The following KCNH3 variants were observed in gnomAD, a reference collection of about 807,000 sequenced individuals.
KCNH3 encodes potassium voltage-gated channel subfamily H member 3.
A neutral mutation model predicts 95.6 loss-of-function variants in KCNH3; 36 were observed. The ratio of observed to expected loss-of-function variants is 0.38; its 90% confidence interval spans 0.29 to 0.50. KCNH3 has a LOEUF of 0.50. KCNH3 is among the 20% of genes least tolerant of loss of function. The probability of loss-of-function intolerance (pLI) is 0.95; values close to 1 mark genes in which losing one functional copy is unlikely to be tolerated. For missense variants in KCNH3, 1,030 were observed against 1,484.1 expected (o/e 0.69, Z 5.03); for synonymous variants, 620 against 646.3 (o/e 0.96, Z 0.62).
chr12:49,549,519 G>A lies in KCNH3; in HGVS notation c.1547G>A (p.Ser516Asn). Residue 516 changes from serine to asparagine, a missense_variant, in exon 9 of 15, where the codon AGC becomes AAC. Transcript: ENST00000257981. ...RMYARRFLYHSRTRDLRDYIR... is the reference protein window; with the variant it reads ...RMYARRFLYHNRTRDLRDYIR... ...TACGCCCGCCGCTTTCTGTACCACA[G>A]CCGCACGCGCGACCTGCGCGACTAC... 1 of 1,613,716 alleles carries A rather than the reference G, an allele frequency of 6.2e-7. No individual in the cohort carries two copies. The highest frequency in any genetic ancestry group is 8.5e-7 in the Non-Finnish European group (1 of 1,180,046).
chr12:49,556,348 G>T (rs1288647100), intron 12 of KCNH3, 22 bp from the exon 13 acceptor site: 3 of 1,569,530 alleles, frequency 1.9e-6, no homozygotes, highest in Non-Finnish European at 2.6e-6. Context: ...TTGATTTGTT[G>T]TCCTGGTACC....
Position 49,549,288 on chromosome 12 carries a change from G to T in KCNH3, c.1468+115G>T, listed in dbSNP as rs1198502439. 6 of 1,458,234 alleles carry T rather than the reference G, an allele frequency of 4.1e-6. No homozygotes were observed. The East Asian group carries it at 9.2e-5, about 22-fold the overall frequency. 90.3% of individuals were successfully genotyped at this position (1,458,234 alleles called of 1,614,324 possible). On this transcript the variant is annotated intron_variant, in intron 8 of 14. Transcript: ENST00000257981. ...GGGGGCTCTTCCGCTTTAGGTGGCC[G>T]CGGAACCCGAGGCCGGGGGTGGGGG...
intron 5 of KCNH3, 91 bp downstream of exon 5, chr12:49,543,609 T>A (rs74089562): frequency 0.072 from 107,234 of 1,485,496 alleles, 4,681 homozygotes; most frequent in African/African-American, 0.19. Flanking sequence ...GGTGCTACAG[T>A]GCCCCCCTCG....
At position 49,539,955 on chromosome 12, in the gene KCNH3, G is replaced by T. The variant is rs1937815304; in HGVS notation, c.76+463G>T. ...AGTAGGCGGCACTCGGGAGAGCACC[G>T]TGTGTCCAAGCCCCGTGTCTCATAG... On this transcript the variant is annotated intron_variant, in intron 1 of 14. Coordinates refer to ENST00000257981, the MANE Select transcript of KCNH3 (RefSeq NM_012284.3). The surrounding 1 kb of genome is among the most constrained non-coding windows in gnomAD (Gnocchi z 6.7). Among the ~76,000 whole-genome samples, 1 of 152,170 alleles carries T rather than the reference G, an allele frequency of 6.6e-6. No individual in the cohort carries two copies. The highest frequency in any genetic ancestry group is 6.5e-5 in the Admixed American group (1 of 15,282).
chr12:49,543,687 G>A (rs1360047316), intron 5 of KCNH3, 169 bp downstream of exon 5: 5 of 1,087,944 alleles, frequency 4.6e-6, no homozygotes, highest in Non-Finnish European at 6.4e-6. Context: ...CCACTTAGAA[G>A]TTATATGACC....
Position 49,556,486 on chromosome 12 carries a change from C to T in KCNH3, c.2575+10C>T. ...CCCTCCCCTGGACCAGGTACCAGGG[C>T]CCCGGGATGGTCTAGGTTGGTGGGG... is the stretch of plus-strand genomic sequence containing the variant. On this transcript the variant is annotated intron_variant, in intron 13 of 14. Transcript: ENST00000257981. 6.3e-7 allele frequency: 1 copy of T among 1,591,802 alleles called. No homozygotes were observed. Among genetic ancestry groups the T allele is most frequent in the Non-Finnish European group, 8.6e-7 (1 of 1,159,750 alleles).
At position 49,540,999 on chromosome 12, in the gene KCNH3, G is replaced by A; in HGVS notation, c.177G>A (p.Glu59=). ...FCDLTGFSRA[E]VMQRGCACSF... ...ACCTCACGGGCTTCTCCCGGGCTGA[G>A]GTCATGCAGCGGGGCTGTGCCTGCT... The change falls in exon 2 of 15, where the codon GAG becomes GAA. Residue 59 remains glutamate, a synonymous_variant. Coordinates refer to ENST00000257981, the MANE Select transcript of KCNH3 (RefSeq NM_012284.3). 2 of 1,614,138 alleles carry A rather than the reference G, an allele frequency of 1.2e-6. No individual in the cohort carries two copies. The highest frequency in any genetic ancestry group is 1.7e-6 in the Non-Finnish European group (2 of 1,180,030).
At position 49,555,798 on chromosome 12, in the gene KCNH3, G is replaced by A. The variant is rs1430080223; in HGVS notation, c.2315G>A (p.Arg772Gln). 18 of 1,613,464 alleles carry A rather than the reference G, an allele frequency of 1.1e-5. No homozygotes were observed. The highest frequency in any genetic ancestry group is 3.3e-5 in the Admixed American group (2 of 59,956). Residue 772 changes from arginine to glutamine, a missense_variant, in exon 12 of 15, where the codon CGA becomes CAA. Around this residue, in one of 9 missense-constraint regions of KCNH3, gnomAD observed 464 missense variants for 493.2 expected, o/e 0.94. Transcript: ENST00000257981. ...SSAAKLLSPR[R>Q]TAPRPRLGGR... ...GCTGCCAAGCTGCTATCCCCACGTC[G>A]AACAGCACCCCGGCCTCGTCTAGGT...
intron 6 of KCNH3, 31 bp from the exon 7 acceptor site, chr12:49,544,144 C>CGA: frequency 2.0e-6 from 3 of 1,493,170 alleles, no homozygotes; most frequent in Non-Finnish European, 2.8e-6. Flanking sequence ...GCTGACCTCC[C>CGA]TCCCTCCCTC....
chr12:49,557,252 G>A lies in KCNH3; in HGVS notation c.2645G>A (p.Arg882Gln), dbSNP rs142033094. The A allele has an allele frequency of 1.5e-5, 24 of 1,613,982 alleles. No individual in the cohort carries two copies. The highest frequency in any genetic ancestry group is 1.5e-4 in the African/African-American group (11 of 75,022). The change falls in exon 14 of 15, where the codon CGG (arginine) becomes CAG (glutamine). Residue 882 changes from arginine (R) to glutamine (Q), a missense_variant. Arg to Gln is a conservative substitution (Grantham distance 43). This residue lies in a region of KCNH3 where 464 missense variants were observed against 493.2 expected (regional missense o/e 0.94). Coordinates refer to ENST00000257981, the MANE Select transcript of KCNH3 (RefSeq NM_012284.3). ...AACACAGACACACTGGACAAGCTTC[G>A]GCAGGCGGTGGGTGAGGGGGAAGGT... ...ARNTDTLDKL[R>Q]QAVTELSEQV...
intron 12 of KCNH3, 196 bp from the exon 13 acceptor site, chr12:49,556,174 A>G: frequency 1.7e-6 from 1 of 598,898 alleles, no homozygotes; most frequent in Non-Finnish European, 3.0e-6. Context: ...CTTGCATCTC[A>G]TGCTGCTCAA....
At chr12:49,556,102 C>A in intron 12 of KCNH3, 151 bp downstream of exon 12, 1 of 594,902 alleles carries the variant, frequency 1.7e-6, no homozygotes, top group Non-Finnish European at 3.0e-6. Flanking sequence ...GCCTTCTGTG[C>A]TCCTCCTTTC....
chr12:49,541,580 T>G, intron 2 of KCNH3, 50 bp from the exon 3 acceptor site: 1 of 1,604,084 alleles, frequency 6.2e-7, no homozygotes. Flanking sequence ...CTCTGTCACC[T>G]CAGGCAGTGC....
intron 11 of KCNH3, among the ~76,000 whole-genome samples, chr12:49,554,968 T>C (rs1302653064): frequency 1.3e-5 from 2 of 152,124 alleles, no homozygotes; most frequent in African/African-American, 4.8e-5. Context: ...TGAGGGGCTT[T>C]TGAATTTCCC....
At position 49,543,988 on chromosome 12, in the gene KCNH3, C is replaced by T. The variant is rs778808863; in HGVS notation, c.897C>T (p.Cys299=). 1.2e-6 allele frequency: 2 copies of T among 1,613,968 alleles called. No individual in the cohort carries two copies. The highest frequency in any genetic ancestry group is 1.3e-5 in the African/African-American group (1 of 74,938). ...TGGTGTTTGCCCCAAAGTCCATTTG[C>T]CTCCACTACGTCACCACCTGGTTCC... ...GQVVFAPKSI[C]LHYVTTWFLL... Residue 299 remains cysteine (C), a synonymous_variant, in exon 6 of 15, where the codon TGC becomes TGT. Transcript: ENST00000257981.
At chr12:49,550,470 T>G (rs770781137) in intron 10 of KCNH3, 141 bp downstream of exon 10, 327 of 1,112,604 alleles carry the variant, frequency 2.9e-4, no homozygotes, top group Non-Finnish European at 3.8e-4. Flanking sequence ...AGTTATGGAG[T>G]CCTGGTCAAA....
At chr12:49,543,614 C>A in intron 5 of KCNH3, 96 bp downstream of exon 5, 1 of 1,453,238 alleles carries the variant, frequency 6.9e-7, no homozygotes, top group Non-Finnish European at 9.2e-7. Context: ...TACAGTGCCC[C>A]CCTCGCTCTC....
In KCNH3 at chr12:49,557,398, G is replaced by A. The variant is rs772073611; in HGVS notation, c.2697G>A (p.Leu899=). The A allele has an allele frequency of 3.1e-6, 5 of 1,600,494 alleles. No individual in the cohort carries two copies. The Admixed American group carries it at 6.7e-5, about 21-fold the overall frequency. ...SEQVLQMREG[L]QSLRQAVQLV... is the part of the protein sequence containing the mutation. ...AGGTGCTGCAGATGCGGGAAGGACT[G>A]CAGTCACTTCGCCAGGCTGTGCAGC... Residue 899 remains leucine, a synonymous_variant, in exon 15 of 15, where the codon CTG becomes CTA. Coordinates refer to ENST00000257981, the MANE Select transcript of KCNH3 (RefSeq NM_012284.3).
intron 9 of KCNH3, 32 bp from the exon 10 acceptor site, chr12:49,550,048 A>G: frequency 3.7e-6 from 3 of 800,694 alleles, no homozygotes; most frequent in Non-Finnish European, 3.8e-6. Context: ...GCCACTCCCA[A>G]CCCCCCCACC....
Sources: gnomAD v4.1 joint callset for allele counts (sites outside exome capture counted in the v4.1 genomes callset) on GRCh38, gnomAD v4.1.1 for gene constraint, gnomAD v4.1.1 regional missense constraint, Gnocchi (gnomAD v3.1) non-coding constraint, MANE v1.5 for transcripts, NCBI Gene and HGNC (gene_info 2026-07-23, HGNC 2026-07-21) for gene names.